ADAD1: variants seen among roughly 807,000 people sequenced by gnomAD.
ADAD1 encodes adenosine deaminase domain-containing protein 1.
Under a neutral mutation model 66.8 loss-of-function variants are expected in ADAD1, and 46 were observed. That is an observed-to-expected ratio of 0.69 (90% CI 0.54 to 0.88). The LOEUF (loss-of-function observed/expected upper bound fraction) is 0.88. Ranked by LOEUF, ADAD1 falls within the 40% of genes least tolerant of loss-of-function variation. ADAD1 has a pLI of 0.00. For missense variants in ADAD1, 617 were observed against 681.8 expected (o/e 0.91, Z 1.06); for synonymous variants, 248 against 229.4 (o/e 1.08, Z -0.73).
rs760329221 is a variant in ADAD1 at position 122,396,270 on chromosome 4, A to G, written c.617A>G (p.Tyr206Cys). ...TTTCTAGAAGGGAGACATATTCAAT[A>G]TGCAAAGATTTCACAGATCGTTAAA... Reference protein sequence around the residue: ...KVHYEGRHIQYAKISQIVKER... With the variant: ...KVHYEGRHIQCAKISQIVKER... The change falls in exon 7 of 13, where the codon TAT (tyrosine) becomes TGT (cysteine). Residue 206 changes from tyrosine (Y) to cysteine (C), a missense_variant. By Grantham distance (194) the Tyr-to-Cys change is radical. Coordinates refer to ENST00000296513, the MANE Select transcript of ADAD1 (RefSeq NM_139243.4). 10 of 1,590,730 alleles carry G rather than the reference A, an allele frequency of 6.3e-6. No individual in the cohort carries two copies. The South Asian group carries it at 1.2e-4, about 19-fold the overall frequency.
intron 5 of ADAD1, among the ~76,000 whole-genome samples, chr4:122,387,325 T>G (rs1360093637): frequency 1.3e-5 from 2 of 152,204 alleles, no homozygotes; most frequent in East Asian, 1.9e-4. Flanking sequence ...TTATTCATGC[T>G]TTGGCTCTCT....
At position 122,411,269 on chromosome 4, in the gene ADAD1, T is replaced by C. The variant is rs1329756668; in HGVS notation, c.896T>C (p.Met299Thr). 1.6e-5 allele frequency: 26 copies of C among 1,611,266 alleles called. No homozygotes were observed. The highest frequency in any genetic ancestry group is 2.2e-5 in the Non-Finnish European group (26 of 1,179,224). ...CTCTTCTACAGCAAAAATCCTGCTA[T>C]GATGGAAAAATCAATATTTTGTACA... The part of the protein sequence containing the change: ...LLLFYSKNPA[M>T]MEKSIFCTEP... Residue 299 changes from methionine (M) to threonine (T), a missense_variant, in exon 9 of 13, where the codon ATG becomes ACG. Coordinates refer to ENST00000296513, the MANE Select transcript of ADAD1 (RefSeq NM_139243.4).
Position 122,411,408 on chromosome 4 carries a change from G to A in ADAD1, c.1019+16G>A, listed in dbSNP as rs375876455. On this transcript the variant is annotated intron_variant, in intron 9 of 12. Coordinates refer to ENST00000296513, the MANE Select transcript of ADAD1 (RefSeq NM_139243.4). ...AGTCACAGTTGTAAGTATTATAGAA[G>A]TTGTTTTTAAAAGCAAGTAGGATGG... The A allele has an allele frequency of 6.7e-5, 107 of 1,594,786 alleles. No individual in the cohort carries two copies. The African/African-American group carries it at 1.4e-3, about 20-fold the overall frequency.
rs188398893 is a variant in ADAD1, at chr4:122,421,991, T to C, written c.1617+601T>C. On this transcript the variant is annotated intron_variant, in intron 12 of 12. Coordinates refer to ENST00000296513, the MANE Select transcript of ADAD1 (RefSeq NM_139243.4). ...TCAAAGTTAATACTCAGTCTTTTAA[T>C]GTGAGCATGTTATTTCAGTTCCTTC... 3.2e-4 allele frequency among the ~76,000 whole-genome samples: 49 copies of C among 152,272 alleles called. 1 individual carries two copies. In the East Asian group the frequency reaches 5.4e-3, roughly 17 times the overall value.
Position 122,421,330 on chromosome 4 carries a change from C to T in ADAD1, c.1557C>T (p.Asn519=), listed in dbSNP as rs182891447. Residue 519 remains asparagine, a synonymous_variant, in exon 12 of 13, where the codon AAC becomes AAT. Transcript: ENST00000296513. ...AGGCTGCAATGTTAAGTCGGTTTAACCTGCTTGCCAAAGAAGCTAAAAAAG... is the reference window on the plus strand; with the variant it reads ...AGGCTGCAATGTTAAGTCGGTTTAATCTGCTTGCCAAAGAAGCTAAAAAAG... ...LCKAAMLSRF[N]LLAKEAKKEL... 5.0e-6 allele frequency: 8 copies of T among 1,606,008 alleles called. No individual in the cohort carries two copies. The East Asian group carries it at 1.8e-4, about 36-fold the overall frequency.
chr4:122,380,455 C>T, intron 3 of ADAD1: 1 of 562,090 alleles, frequency 1.8e-6, no homozygotes, highest in Non-Finnish European at 3.0e-6. Context: ...ACCACCTTGA[C>T]TGTTCAAACC....
chr4:122,416,751 G>A (rs398088884), intron 11 of ADAD1, among the ~76,000 whole-genome samples: 3 of 150,666 alleles, frequency 2.0e-5, no homozygotes, highest in African/African-American at 4.9e-5. Context: ...AAAAAAAAAA[G>A]AAAAAAACAG....
At chr4:122,405,751 A>G (rs546897224) in intron 7 of ADAD1, among the ~76,000 whole-genome samples, 1 of 152,086 alleles carries the variant, frequency 6.6e-6, no homozygotes, top group Non-Finnish European at 1.5e-5. Flanking sequence ...CCTTCTTTCT[A>G]ACCGCTAGTA....
intron 12 of ADAD1, among the ~76,000 whole-genome samples, chr4:122,427,245 T>TTA (rs1040827260): frequency 1.3e-5 from 2 of 151,676 alleles, no homozygotes; most frequent in Non-Finnish European, 2.9e-5. Context: ...ACGTGTACAT[T>TTA]TGTGTGTGTG....
chr4:122,408,853 A>G (rs1299127819), intron 8 of ADAD1, among the ~76,000 whole-genome samples: 1 of 151,888 alleles, frequency 6.6e-6, no homozygotes, highest in African/African-American at 2.4e-5. Flanking sequence ...ACTGCTCTCC[A>G]TCATGGGCAA....
At chr4:122,400,954 G>A (rs909779863) in intron 7 of ADAD1, among the ~76,000 whole-genome samples, 6 of 151,700 alleles carry the variant, frequency 4.0e-5, no homozygotes, top group Non-Finnish European at 8.8e-5. Context: ...CCAGCTTTTC[G>A]TTTCATTTAT....
At chr4:122,397,667 T>G (rs528147982) in intron 7 of ADAD1, among the ~76,000 whole-genome samples, 12 of 152,088 alleles carry the variant, frequency 7.9e-5, no homozygotes, top group Admixed American at 1.3e-4. Context: ...GAGGTGGACA[T>G]AAATGGGAAG....
Position 122,421,277 on chromosome 4 carries a change from G to T in ADAD1, c.1504G>T (p.Gly502Cys). 6.3e-7 allele frequency: 1 copy of T among 1,598,398 alleles called. No homozygotes were observed. Among genetic ancestry groups the T allele is most frequent in the South Asian group, 1.1e-5 (1 of 88,442 alleles). Residue 502 changes from glycine (G) to cysteine (C), a missense_variant, in exon 12 of 13, where the codon GGT (glycine) becomes TGT (cysteine). Gly to Cys is a radical substitution (Grantham distance 159, BLOSUM62 -3). Coordinates refer to ENST00000296513, the MANE Select transcript of ADAD1 (RefSeq NM_139243.4). ...KITESSPFKS[G>C]MSMASRLCKA... ...TCTGCTTAGTTCCCCATTTAAAAGT[G>T]GTATGTCAATGGCAAGTCGGCTTTG...
At chr4:122,423,804 T>C (rs1220700317) in intron 12 of ADAD1, among the ~76,000 whole-genome samples, 1 of 152,208 alleles carries the variant, frequency 6.6e-6, no homozygotes, top group Non-Finnish European at 1.5e-5. Flanking sequence ...ATGTCTATTA[T>C]AGGCAAATGC....
At chr4:122,429,254 A>G (rs942213757) in intron 12 of ADAD1, among the ~76,000 whole-genome samples, 1 of 151,986 alleles carries the variant, frequency 6.6e-6, no homozygotes, top group Non-Finnish European at 1.5e-5. Context: ...GGCAACATGC[A>G]AGACCTTGCC....
chr4:122,398,856 T>C (rs1476503344), intron 7 of ADAD1, among the ~76,000 whole-genome samples: 1 of 152,068 alleles, frequency 6.6e-6, no homozygotes, highest in Non-Finnish European at 1.5e-5. Context: ...GAGTTCCTTG[T>C]AGACTCTGGT....
At chr4:122,414,661 A>C (rs2150586598) in intron 10 of ADAD1, among the ~76,000 whole-genome samples, 1 of 152,268 alleles carries the variant, frequency 6.6e-6, no homozygotes, top group East Asian at 1.9e-4. Context: ...TGGTTTACAA[A>C]GATTCTGTTG....
intron 6 of ADAD1, among the ~76,000 whole-genome samples, chr4:122,394,386 A>T (rs1795598732): frequency 6.6e-6 from 1 of 152,220 alleles, no homozygotes; most frequent in African/African-American, 2.4e-5. Flanking sequence ...GGCACACTTC[A>T]GACTTTAAAG....
intron 5 of ADAD1, among the ~76,000 whole-genome samples, chr4:122,386,308 CTTTTTT>C (rs1184860431): frequency 6.6e-6 from 1 of 152,056 alleles, no homozygotes; most frequent in Non-Finnish European, 1.5e-5. Flanking sequence ...ATTGAGCTTG[CTTTTTT>C]CATATGTTTG....
Sources: gnomAD v4.1 joint callset for allele counts (sites outside exome capture counted in the v4.1 genomes callset) on GRCh38, gnomAD v4.1.1 for gene constraint, MANE v1.5 for transcripts, NCBI Gene and HGNC (gene_info 2026-07-23, HGNC 2026-07-21) for gene names.